The following PPP2R2B variants were observed in gnomAD, a reference collection of about 807,000 sequenced individuals.
The protein encoded by PPP2R2B is protein phosphatase 2 regulatory subunit Bbeta, also known as serine/threonine-protein phosphatase 2A 55 kDa regulatory subunit B beta isoform.
In PPP2R2B, 5 loss-of-function variants were observed where a neutral mutation model predicts 46.0. The ratio of observed to expected loss-of-function variants is 0.11; its 90% CI spans 0.06 to 0.23. PPP2R2B has a LOEUF of 0.23. Ranked by LOEUF, PPP2R2B falls within the 10% of genes least tolerant of loss-of-function variation. The pLI, the probability that PPP2R2B is intolerant of heterozygous loss-of-function variation, is 1.00. For synonymous variants in PPP2R2B, 215 were observed against 206.7 expected (o/e 1.04, Z -0.34); for missense variants, 367 against 575.0 (o/e 0.64, Z 3.70).
chr5:147,031,293 T>C (rs1358752723), intron 1 of PPP2R2B, among the ~76,000 whole-genome samples: 1 of 152,168 alleles, frequency 6.6e-6, no homozygotes, highest in African/African-American at 2.4e-5. Context: ...AGATAGAGCA[T>C]TCAAGAGTGG....
At chr5:147,008,192 G>A (rs1420870319) in intron 1 of PPP2R2B, among the ~76,000 whole-genome samples, 2 of 152,062 alleles carry the variant, frequency 1.3e-5, no homozygotes, top group African/African-American at 2.4e-5. Flanking sequence ...GGGAAGCCAT[G>A]GTTTGTGTAA....
At chr5:146,910,996 C>T (rs1241487556) in intron 1 of PPP2R2B, among the ~76,000 whole-genome samples, 1 of 152,102 alleles carries the variant, frequency 6.6e-6, no homozygotes, top group East Asian at 1.9e-4. Flanking sequence ...TTTTCCATCC[C>T]TTTTCATATA....
In PPP2R2B at chr5:146,584,717, A is replaced by G. The variant is rs1026272959; in HGVS notation, c.*5230T>C. ...TATTCTTTCCGTCTACTTTACACTT[A>G]AATACAGTGCTTAAAATAAGGTTTA... On this transcript the variant is annotated 3_prime_UTR_variant, in exon 10 of 10. Transcript: ENST00000394411. 2.6e-5 allele frequency: 4 copies of G among 152,362 alleles called. No individual in the cohort carries two copies. Among genetic ancestry groups the G allele is most frequent in the African/African-American group, 9.6e-5 (4 of 41,584 alleles). 9.4% of individuals were successfully genotyped at this position (152,362 alleles called of 1,614,324 possible). A position where few individuals can be genotyped will look rare whatever the true frequency, so the allele number is the denominator to read the frequency against.
chr5:146,806,264 G>A (rs1412311567), intron 2 of PPP2R2B, among the ~76,000 whole-genome samples: 1 of 152,092 alleles, frequency 6.6e-6, no homozygotes, highest in East Asian at 1.9e-4. Context: ...CCACCAAGTT[G>A]TTTTAAGAAA....
intron 1 of PPP2R2B, among the ~76,000 whole-genome samples, chr5:147,036,093 C>T (rs1416378937): frequency 6.6e-6 from 1 of 152,140 alleles, no homozygotes; most frequent in Non-Finnish European, 1.5e-5. Flanking sequence ...GTTTGCTGCA[C>T]ACATCATCCC....
At chr5:146,808,994 T>TGTGTGTGTGTGC (rs1442659063) in intron 2 of PPP2R2B, among the ~76,000 whole-genome samples, 51 of 134,492 alleles carry the variant, frequency 3.8e-4, no homozygotes, top group African/African-American at 1.3e-3. Context: ...TGTGTGTGTG[T>TGTGTGTGTGTGC]GCGCGCGCAC....
At chr5:146,691,869 C>T (rs1778874957) in intron 4 of PPP2R2B, among the ~76,000 whole-genome samples, 1 of 152,194 alleles carries the variant, frequency 6.6e-6, no homozygotes, top group African/African-American at 2.4e-5. Context: ...GTCCTTTACC[C>T]TCTTTTTCGT....
chr5:146,621,724 C>A (rs1461565600), intron 7 of PPP2R2B, among the ~76,000 whole-genome samples: 1 of 152,202 alleles, frequency 6.6e-6, no homozygotes, highest in Non-Finnish European at 1.5e-5. Flanking sequence ...GTGGGCTATC[C>A]TTCCCTTCCA....
intron 2 of PPP2R2B, among the ~76,000 whole-genome samples, chr5:146,851,770 T>G (rs2151382714): frequency 6.6e-6 from 1 of 152,232 alleles, no homozygotes; most frequent in Non-Finnish European, 1.5e-5. Context: ...AGTGCCTTGC[T>G]CTTTAAGATG....
chr5:147,081,363 C>T, exon 1 of PPP2R2B: 1 of 1,464,756 alleles, frequency 6.8e-7, no homozygotes, highest in Non-Finnish European at 9.2e-7. Context: ...CTCCGTTTGA[C>T]CAGGCCAGGA....
intron 1 of PPP2R2B, among the ~76,000 whole-genome samples, chr5:146,921,044 G>C (rs1582430876): frequency 6.6e-6 from 1 of 152,042 alleles, no homozygotes; most frequent in Non-Finnish European, 1.5e-5. Flanking sequence ...TGTTGTCTCT[G>C]GTCTTTGTTC....
chr5:146,977,451 G>A (rs760874304), intron 1 of PPP2R2B, among the ~76,000 whole-genome samples: 1 of 151,930 alleles, frequency 6.6e-6, no homozygotes, highest in Non-Finnish European at 1.5e-5. Flanking sequence ...AGGTATACAC[G>A]TGCCATTGTG....
chr5:146,879,760 C>T (rs1204901202), upstream of PPP2R2B, among the ~76,000 whole-genome samples: 1 of 152,126 alleles, frequency 6.6e-6, no homozygotes, highest in Non-Finnish European at 1.5e-5. Flanking sequence ...ATGAAGCAAC[C>T]CAAATCACTA....
chr5:146,680,176 A>T (rs1343053768), intron 5 of PPP2R2B, among the ~76,000 whole-genome samples: 12 of 149,716 alleles, frequency 8.0e-5, no homozygotes, highest in African/African-American at 2.7e-4. Flanking sequence ...CTGGATTAAG[A>T]AAATGTGGCA....
At chr5:146,915,815 T>C (rs76082154) in intron 1 of PPP2R2B, among the ~76,000 whole-genome samples, 4 of 152,298 alleles carry the variant, frequency 2.6e-5, no homozygotes, top group Non-Finnish European at 5.9e-5. Context: ...TCCTTGCTAA[T>C]ATTTAAAAAT....
chr5:146,702,968 C>A (rs994772486), intron 2 of PPP2R2B, among the ~76,000 whole-genome samples: 3 of 152,220 alleles, frequency 2.0e-5, no homozygotes, highest in African/African-American at 7.2e-5. Flanking sequence ...GAAAGTCCAG[C>A]CAGTGAGAAA....
rs186795512 is a variant in PPP2R2B at position 146,786,243 on chromosome 5, C to A, written c.71-85101G>T. ...ATGTAGAATACTATTGAGAAGGACTCATTTCAAAGGTCATTTCTGAGCTTT... is the reference window on the plus strand; with the variant it reads ...ATGTAGAATACTATTGAGAAGGACTAATTTCAAAGGTCATTTCTGAGCTTT... On this transcript the variant is annotated intron_variant, in intron 2 of 9. Coordinates refer to ENST00000394411, the MANE Select transcript of PPP2R2B (RefSeq NM_181675.4). 4.6e-5 allele frequency among the ~76,000 whole-genome samples: 7 copies of A among 152,290 alleles called. No individual in the cohort carries two copies. In the East Asian group the frequency reaches 1.2e-3, roughly 25 times the overall value.
At chr5:147,021,416 T>A (rs770648715) in intron 1 of PPP2R2B, among the ~76,000 whole-genome samples, 35 of 152,194 alleles carry the variant, frequency 2.3e-4, no homozygotes, top group Non-Finnish European at 4.7e-4. Context: ...ATAGAAGTCC[T>A]ATTGAGTCTT....
intron 2 of PPP2R2B, among the ~76,000 whole-genome samples, chr5:146,812,667 GTATATATA>G (rs1186426182): frequency 3.1e-3 from 2 of 638 alleles, no homozygotes; most frequent in African/African-American, 5.4e-3. Flanking sequence ...CCTCAGAAGA[GTATATATA>G]TATATATATA....
Sources: allele counts gnomAD v4.1 joint callset (sites outside exome capture counted in the v4.1 genomes callset), GRCh38; gene constraint gnomAD v4.1.1; transcripts MANE v1.5; gene names NCBI Gene and HGNC (gene_info 2026-07-23, HGNC 2026-07-21).